TCERG1L: variants seen among roughly 807,000 people sequenced by gnomAD.
The protein encoded by TCERG1L is transcription elongation regulator 1-like protein.
In TCERG1L, 37 loss-of-function variants were observed where a neutral mutation model predicts 56.3. The ratio of observed to expected loss-of-function variants is 0.66; its 90% confidence interval spans 0.51 to 0.87. The LOEUF (loss-of-function observed/expected upper bound fraction) is 0.87. Among genes scored for constraint, TCERG1L ranks in the 40% least tolerant of loss-of-function variants. The pLI is 0.00. For synonymous variants in TCERG1L, 324 were observed against 326.3 expected (o/e 0.99, Z 0.08); for missense variants, 799 against 774.2 (o/e 1.03, Z -0.38).
intron 3 of TCERG1L, among the ~76,000 whole-genome samples, chr10:131,270,612 C>T (rs1192312326): frequency 6.6e-6 from 1 of 152,272 alleles, no homozygotes; most frequent in Non-Finnish European, 1.5e-5. Context: ...GTGCTTGATG[C>T]CCAGCCCCGC....
chr10:131,277,973 G>C (rs999776034), intron 3 of TCERG1L, among the ~76,000 whole-genome samples: 27 of 152,130 alleles, frequency 1.8e-4, no homozygotes, highest in African/African-American at 5.5e-4. Context: ...TTCCGCATGT[G>C]GGGAGCTTCA....
At position 131,093,194 on chromosome 10, in the gene TCERG1L, C is replaced by T. The variant is rs754099519; in HGVS notation, c.1729G>A (p.Glu577Lys). Residue 577 changes from glutamate (E) to lysine (K), a missense_variant, in exon 12 of 12, where the codon GAA (glutamate) becomes AAA (lysine). Physicochemically the swap from Glu to Lys is moderately conservative, Grantham distance 56 (BLOSUM62 1). Transcript: ENST00000368642. ...FILILKKRDK[E>K]NRLRLRKMR ...ATTTTCCGCAGCCTTAGTCTGTTTT[C>T]CTTGTCCCGTTTCTTAAGAATAAGT... The T allele has an allele frequency of 1.9e-6, 3 of 1,613,840 alleles. No individual in the cohort carries two copies. Among genetic ancestry groups the T allele is most frequent in the East Asian group, 2.2e-5 (1 of 44,866 alleles).
At chr10:131,140,539 C>A (rs1019057389) in intron 7 of TCERG1L, among the ~76,000 whole-genome samples, 4 of 152,234 alleles carry the variant, frequency 2.6e-5, no homozygotes, top group African/African-American at 9.6e-5. Flanking sequence ...AACCTCAGGT[C>A]CCCCCCATCT....
intron 5 of TCERG1L, among the ~76,000 whole-genome samples, chr10:131,165,777 CT>C (rs1367588706): frequency 1.3e-5 from 2 of 152,162 alleles, no homozygotes; most frequent in Non-Finnish European, 2.9e-5. Flanking sequence ...TCTACTGCTA[CT>C]TACCGAGGTC....
intron 4 of TCERG1L, among the ~76,000 whole-genome samples, chr10:131,240,733 T>G (rs1447878529): frequency 6.6e-6 from 1 of 151,948 alleles, no homozygotes; most frequent in Non-Finnish European, 1.5e-5. Context: ...TGTCTGAGGC[T>G]CCTCCTGAAT....
At chr10:131,236,424 C>T (rs1192315544) in intron 4 of TCERG1L, among the ~76,000 whole-genome samples, 2 of 152,202 alleles carry the variant, frequency 1.3e-5, no homozygotes, top group African/African-American at 2.4e-5. Flanking sequence ...TCCAGGGCCA[C>T]CAAGCCTGGG....
chr10:131,245,001 G>A (rs888193887), intron 4 of TCERG1L, among the ~76,000 whole-genome samples: 3 of 152,214 alleles, frequency 2.0e-5, no homozygotes, highest in Admixed American at 6.5e-5. Context: ...CTGGGTGGGA[G>A]TGTGCTGGGC....
At chr10:131,238,491 A>G (rs1231858282) in intron 4 of TCERG1L, among the ~76,000 whole-genome samples, 2 of 152,174 alleles carry the variant, frequency 1.3e-5, no homozygotes, top group Non-Finnish European at 2.9e-5. Flanking sequence ...CCCAGCAAGC[A>G]GGGACCGGCT....
chr10:131,252,172 G>A (rs1406759687), intron 4 of TCERG1L, among the ~76,000 whole-genome samples: 4 of 152,100 alleles, frequency 2.6e-5, no homozygotes, highest in South Asian at 2.1e-4. Context: ...ATGGACGCTC[G>A]GATCACTTCC....
chr10:131,208,702 T>C (rs182161919), intron 4 of TCERG1L, among the ~76,000 whole-genome samples: 2 of 152,330 alleles, frequency 1.3e-5, no homozygotes, highest in Admixed American at 6.5e-5. Flanking sequence ...ACTTTCTCCG[T>C]GCTGACCCCA....
At chr10:131,256,132 T>C (rs953969233) in intron 4 of TCERG1L, among the ~76,000 whole-genome samples, 8 of 152,234 alleles carry the variant, frequency 5.3e-5, no homozygotes, top group Non-Finnish European at 1.2e-4. Context: ...ATATGTATTA[T>C]GACATTTTTG....
At chr10:131,146,461 C>A in intron 7 of TCERG1L, 45 bp downstream of exon 7, 1 of 1,529,766 alleles carries the variant, frequency 6.5e-7, no homozygotes, top group Non-Finnish European at 8.8e-7. Flanking sequence ...AAATAAGCAG[C>A]TTAAACACTT....
chr10:131,129,398 G>A (rs1186430633), intron 8 of TCERG1L, among the ~76,000 whole-genome samples: 1 of 152,194 alleles, frequency 6.6e-6, no homozygotes, highest in Non-Finnish European at 1.5e-5. Flanking sequence ...GTTTGTTTCA[G>A]ACTAATCTAG....
chr10:131,220,776 G>A (rs765364170), intron 4 of TCERG1L, among the ~76,000 whole-genome samples: 1 of 152,224 alleles, frequency 6.6e-6, no homozygotes, highest in Non-Finnish European at 1.5e-5. Context: ...CAAACCCTTG[G>A]CAGTGGTCCA....
chr10:131,164,912 A>T (rs1589733709), intron 5 of TCERG1L, among the ~76,000 whole-genome samples: 1 of 152,190 alleles, frequency 6.6e-6, no homozygotes, highest in African/African-American at 2.4e-5. Flanking sequence ...GAGGCTGGGG[A>T]TGCTGTACCA....
intron 3 of TCERG1L, among the ~76,000 whole-genome samples, chr10:131,277,148 G>C (rs934112896): frequency 1.3e-5 from 2 of 152,206 alleles, no homozygotes; most frequent in Non-Finnish European, 2.9e-5. Context: ...GGAGCTGTGA[G>C]GAAGAGCAGA....
chr10:131,301,608 T>C (rs1180596029), intron 3 of TCERG1L, among the ~76,000 whole-genome samples: 1 of 152,030 alleles, frequency 6.6e-6, no homozygotes, highest in Non-Finnish European at 1.5e-5. Context: ...CTAAAGTAAT[T>C]GTGTTTCAAT....
intron 6 of TCERG1L, among the ~76,000 whole-genome samples, chr10:131,148,633 C>G (rs1198084834): frequency 6.6e-6 from 1 of 151,776 alleles, no homozygotes; most frequent in East Asian, 1.9e-4. Flanking sequence ...CACATGCACA[C>G]ACACACGGAG....
chr10:131,224,306 G>A (rs1193292595), intron 4 of TCERG1L, among the ~76,000 whole-genome samples: 6 of 152,066 alleles, frequency 3.9e-5, no homozygotes, highest in African/African-American at 1.4e-4. Flanking sequence ...ACGTCCCATT[G>A]GGAGTGCCCT....
Sources: allele counts gnomAD v4.1 joint callset (sites outside exome capture counted in the v4.1 genomes callset), GRCh38; gene constraint gnomAD v4.1.1; transcripts MANE v1.5; gene names NCBI Gene and HGNC (gene_info 2026-07-23, HGNC 2026-07-21).